MATN1: variants seen among roughly 807,000 people sequenced by gnomAD.
MATN1 encodes matrilin-1.
MATN1 carries 34 observed loss-of-function variants against 41.3 expected under a neutral mutation model. The observed-to-expected ratio is 0.82, with a 90% confidence interval of 0.63 to 1.10. MATN1 has a LOEUF of 1.10. Among genes scored for constraint, MATN1 ranks in the 50% least tolerant of loss-of-function variants. The pLI is 0.00. For missense variants in MATN1, 602 were observed against 662.4 expected, an observed-to-expected ratio of 0.91 and a Z score of 1.00; for synonymous variants, 264 against 278.7, an observed-to-expected ratio of 0.95 and a Z score of 0.53.
In MATN1 at chr1:30,716,819, G is replaced by A; in HGVS notation, c.761C>T (p.Thr254Ile). Residue 254 changes from threonine to isoleucine, a missense_variant, in exon 4 of 8, where the codon ACT becomes ATT. Coordinates refer to ENST00000373765, the MANE Select transcript of MATN1 (RefSeq NM_002379.3). ...GCAGGTCTTGCCGTCGCTGTTCAGA[G>A]TGAAGCCCTCGTGGCAGGCGCAGGT... ...SYTCACHEGFTLNSDGKTCNV... is the reference protein window; with the variant it reads ...SYTCACHEGFILNSDGKTCNV... The A allele has an allele frequency of 6.2e-7, 1 of 1,613,976 alleles. No homozygotes were observed. Among genetic ancestry groups the A allele is most frequent in the Non-Finnish European group, 8.5e-7 (1 of 1,179,976 alleles).
In MATN1 at chr1:30,721,262, G is replaced by T. The variant is rs918666303; in HGVS notation, c.441+143C>A. On this transcript the variant is annotated intron_variant, in intron 2 of 7. Transcript: ENST00000373765. ...AACTGGTGACCTCTGTCTAATGACC[G>T]CCCCTCTCTGACCCTGTTTCCCCAG... 1.1e-5 allele frequency: 9 copies of T among 807,826 alleles called. No individual in the cohort carries two copies. In the Admixed American group the frequency reaches 1.9e-4, roughly 17 times the overall value. The allele number at this position is 807,826 out of a possible 1,614,324, so 50.0% of individuals were successfully genotyped here.
rs369857270 is a variant in MATN1, at chr1:30,721,450, G to A, written c.396C>T (p.Phe132=). ...TGGAACGACCACCCTCTGCATCGCC[G>A]AAGGCTTTGGTGATAGCGAACTGGA... ...LAIQFAITKA[F]GDAEGGRSRS... is the part of the protein sequence containing the mutation. Residue 132 remains phenylalanine (F), a synonymous_variant, in exon 2 of 8, where the codon TTC becomes TTT. Transcript: ENST00000373765. 5.8e-5 allele frequency: 93 copies of A among 1,613,382 alleles called. 1 individual carries two copies. In the East Asian group the frequency reaches 5.8e-4, roughly 10 times the overall value.
chr1:30,721,365 C>A, intron 2 of MATN1, 40 bp downstream of exon 2: 1 of 1,561,066 alleles, frequency 6.4e-7, no homozygotes, highest in Non-Finnish European at 8.7e-7. Flanking sequence ...GAGCGGGAGC[C>A]TCCAAACAGC....
chr1:30,715,241 G>A lies in MATN1; in HGVS notation c.1276C>T (p.Pro426Ser). ...EDELREIASE[P>S]VAEHYFYTAD... The stretch of plus-strand genomic sequence containing the variant: ...GTGTAGAAGTAGTGCTCTGCCACAG[G>A]CTCTGAGGCTATTTCCCTCAGCTCA... Residue 426 changes from proline to serine, a missense_variant, in exon 6 of 8, where the codon CCT becomes TCT. Pro to Ser is a moderately conservative substitution (Grantham distance 74, BLOSUM62 -1). Transcript: ENST00000373765. 1 of 1,614,122 alleles carries A rather than the reference G, an allele frequency of 6.2e-7. No homozygotes were observed.
chr1:30,721,223 GCTCTGTCA>G (rs1557452785), intron 2 of MATN1, 174 bp downstream of exon 2: 1 of 628,912 alleles, frequency 1.6e-6, no homozygotes, highest in Admixed American at 2.9e-5. Flanking sequence ...TCAAATCCCA[GCTCTGTCA>G]CTTGCAACTG....
At chr1:30,715,426 G>A (rs1339526708) in intron 5 of MATN1, 117 bp from the exon 6 acceptor site, 7 of 918,532 alleles carry the variant, frequency 7.6e-6, no homozygotes, top group Non-Finnish European at 1.0e-5. Flanking sequence ...GCAGCTGCTG[G>A]AATTGCAAGC....
In MATN1 at chr1:30,716,055, G is replaced by A. The variant is rs764271977; in HGVS notation, c.1061C>T (p.Thr354Ile). The change falls in exon 5 of 8, where the codon ACT becomes ATT. Residue 354 changes from threonine to isoleucine, a missense_variant. By Grantham distance (89) the Thr-to-Ile change is moderately conservative (BLOSUM62 -1). Transcript: ENST00000373765. The part of the protein sequence containing the change: ...NMSYMEKGTM[T>I]GAALKYLIDN... ...AATGAGGTACTTGAGAGCAGCCCCAGTCATTGTGCCCTTCTCCATGTAGGA... is the reference window on the plus strand; with the variant it reads ...AATGAGGTACTTGAGAGCAGCCCCAATCATTGTGCCCTTCTCCATGTAGGA... 3.7e-6 allele frequency: 6 copies of A among 1,614,098 alleles called. No homozygotes were observed. Among genetic ancestry groups the A allele is most frequent in the Non-Finnish European group, 5.1e-6 (6 of 1,180,044 alleles).
chr1:30,716,597 G>A lies in MATN1; in HGVS notation c.790+193C>T, dbSNP rs118119468. Among the ~76,000 whole-genome samples the A allele has an allele frequency of 1.7e-3, 252 of 152,324 alleles. 3 individuals carry two copies. The East Asian group carries it at 0.042, about 25-fold the overall frequency. ...GTCCTTCTACCACACTAAACCCACC[G>A]CCCATTGTGTTGAAAACAGGGACAG... On this transcript the variant is annotated intron_variant, in intron 4 of 7. Coordinates refer to ENST00000373765, the MANE Select transcript of MATN1 (RefSeq NM_002379.3).
In MATN1 at chr1:30,715,912, G is replaced by A. The variant is rs1212479761; in HGVS notation, c.1204C>T (p.Leu402Phe). The change falls in exon 5 of 8, where the codon CTC (leucine) becomes TTC (phenylalanine). Residue 402 changes from leucine (L) to phenylalanine (F), a missense_variant. Coordinates refer to ENST00000373765, the MANE Select transcript of MATN1 (RefSeq NM_002379.3). ...INDAAKKAKD[L>F]GFKMFAVGVG... Reference sequence around the variant, plus strand: ...GGTCCAGGCAGGCAACACCTACCGAGGTCTTTGGCCTTCTTGGCAGCATCA... The same window carrying A: ...GGTCCAGGCAGGCAACACCTACCGAAGTCTTTGGCCTTCTTGGCAGCATCA... 1 of 1,611,744 alleles carries A rather than the reference G, an allele frequency of 6.2e-7. No individual in the cohort carries two copies.
At chr1:30,717,457 C>G (rs1440303678) in intron 3 of MATN1, among the ~76,000 whole-genome samples, 2 of 151,968 alleles carry the variant, frequency 1.3e-5, no homozygotes, top group African/African-American at 2.4e-5. Flanking sequence ...GGCTCTGAAC[C>G]TTCTCCTGCC....
intron 2 of MATN1, chr1:30,720,316 A>C (rs1569835291): frequency 6.8e-6 from 1 of 147,884 alleles, no homozygotes. Flanking sequence ...CATCTCCTTC[A>C]CCCTCTCCAC....
In MATN1 at chr1:30,713,399, A is replaced by ATG; in HGVS notation, c.*182_*183insCA. ...CGTGCACACACACACACACACACACACATGCACACATACACACACGCACAC... is the reference window on the plus strand; with the variant it reads ...CGTGCACACACACACACACACACACATGCATGCACACATACACACACGCACAC... On this transcript the variant is annotated 3_prime_UTR_variant, in exon 8 of 8. Coordinates refer to ENST00000373765, the MANE Select transcript of MATN1 (RefSeq NM_002379.3). The ATG allele has an allele frequency of 4.7e-6, 3 of 634,930 alleles. No individual in the cohort carries two copies. The highest frequency in any genetic ancestry group is 2.8e-5 in the East Asian group (1 of 36,266). The allele number at this position is 634,930 out of a possible 1,614,324, so 39.3% of individuals were successfully genotyped here.
chr1:30,716,354 A>T (rs1297640220), intron 4 of MATN1, 29 bp from the exon 5 acceptor site: 2 of 1,601,316 alleles, frequency 1.2e-6, no homozygotes, highest in Non-Finnish European at 1.7e-6. Flanking sequence ...CAACGGGCTG[A>T]AGCTGAAGGA....
chr1:30,715,402 G>C, intron 5 of MATN1, 93 bp from the exon 6 acceptor site: 1 of 1,233,346 alleles, frequency 8.1e-7, no homozygotes, highest in Admixed American at 2.1e-5. Context: ...GCCAACACCA[G>C]ACACCTCCTG....
intron 1 of MATN1, among the ~76,000 whole-genome samples, chr1:30,722,735 C>T (rs1323725328): frequency 6.6e-6 from 1 of 152,204 alleles, no homozygotes; most frequent in Non-Finnish European, 1.5e-5. Context: ...CGTGCAGGGC[C>T]GTCCCAACCC....
chr1:30,718,927 G>A lies in MATN1; in HGVS notation c.472C>T (p.Gln158Ter), dbSNP rs767692940. 2.6e-6 allele frequency: 4 copies of A among 1,533,120 alleles called. No homozygotes were observed. The highest frequency in any genetic ancestry group is 2.0e-5 in the Admixed American group (1 of 49,578). The allele number at this position is 1,533,120 out of a possible 1,614,324, so 95.0% of individuals were successfully genotyped here. A position where few individuals can be genotyped will look rare whatever the true frequency, so the allele number is the denominator to read the frequency against. ...VVIVVTDGRP[Q>*]DSVQDVSARA... ...GCAGACACGTCCTGCACGCTGTCCTGGGGCCTCCCGTCTGTCACCACGATG... is the reference window on the plus strand; with the variant it reads ...GCAGACACGTCCTGCACGCTGTCCTAGGGCCTCCCGTCTGTCACCACGATG... Residue 158 changes from glutamine (Q) to a stop codon, truncating the protein, a stop_gained, in exon 3 of 8, where the codon CAG becomes TAG. Transcript: ENST00000373765. LOFTEE classifies it high-confidence loss of function.
At position 30,712,637 on chromosome 1, in the gene MATN1, G is replaced by A. The variant is rs1639561328; in HGVS notation, c.*945C>T. 5.3e-5 allele frequency: 8 copies of A among 152,330 alleles called. 1 individual carries two copies. Among genetic ancestry groups the A allele is most frequent in the Admixed American group, 5.2e-4 (8 of 15,284 alleles). The allele number at this position is 152,330 out of a possible 1,614,324, so 9.4% of individuals were successfully genotyped here. On this transcript the variant is annotated 3_prime_UTR_variant, in exon 8 of 8. Transcript: ENST00000373765. ...GCTGGTCCCTCTGGCTGGTGGGGGTGACATGAGCACCCTGCTCAACTGTAT... is the reference window on the plus strand; with the variant it reads ...GCTGGTCCCTCTGGCTGGTGGGGGTAACATGAGCACCCTGCTCAACTGTAT...
rs1347569148 is a variant in MATN1, at chr1:30,712,437, A to C, written c.*1145T>G. 6.6e-6 allele frequency: 1 copy of C among 152,294 alleles called. No individual in the cohort carries two copies. The highest frequency in any genetic ancestry group is 1.5e-5 in the Non-Finnish European group (1 of 68,140). The allele number at this position is 152,294 out of a possible 1,614,324, so 9.4% of individuals were successfully genotyped here. On this transcript the variant is annotated 3_prime_UTR_variant, in exon 8 of 8. Coordinates refer to ENST00000373765, the MANE Select transcript of MATN1 (RefSeq NM_002379.3). ...TGATGCCGCCTGTGCACAGGAAACA[A>C]ACAGAACTCCAACAGGGCATGTTGG...
At position 30,718,825 on chromosome 1, in the gene MATN1, C is replaced by T. The variant is rs1639660038; in HGVS notation, c.574G>A (p.Ala192Thr). Residue 192 changes from alanine (A) to threonine (T), a missense_variant, in exon 3 of 8, where the codon GCC becomes ACC. Ala to Thr is a moderately conservative substitution (Grantham distance 58). Coordinates refer to ENST00000373765, the MANE Select transcript of MATN1 (RefSeq NM_002379.3). ...SVDKATLRQI[A>T]SEPQDEHVDY... ...ACGTGTTCGTCCTGCGGCTCGCTGGCGATCTGCCGCAGCGTGGCCTTGTCC... is the reference window on the plus strand; with the variant it reads ...ACGTGTTCGTCCTGCGGCTCGCTGGTGATCTGCCGCAGCGTGGCCTTGTCC... The T allele has an allele frequency of 5.6e-6, 9 of 1,609,578 alleles. No individual in the cohort carries two copies. The highest frequency in any genetic ancestry group is 1.1e-5 in the South Asian group (1 of 90,582).
Sources: gnomAD v4.1 joint callset for allele counts (sites outside exome capture counted in the v4.1 genomes callset) on GRCh38, gnomAD v4.1.1 for gene constraint, MANE v1.5 for transcripts, NCBI Gene and HGNC (gene_info 2026-07-23, HGNC 2026-07-21) for gene names.